The following NR3C2 variants were observed in gnomAD, a reference collection of about 807,000 sequenced individuals.
NR3C2 encodes mineralocorticoid receptor.
Under a neutral mutation model 86.4 loss-of-function variants are expected in NR3C2, and 15 were observed. The observed-to-expected ratio is 0.17, with a 90% CI of 0.12 to 0.27. The LOEUF is 0.27. NR3C2 is among the 10% of genes least tolerant of loss of function. NR3C2 has a pLI of 1.00. For missense variants in NR3C2, 960 were observed against 1,195.6 expected, an observed-to-expected ratio of 0.80 and a Z score of 2.91; for synonymous variants, 458 against 450.5, an observed-to-expected ratio of 1.02 and a Z score of -0.21.
chr4:148,082,890 G>A (rs1406529365), intron 8 of NR3C2, among the ~76,000 whole-genome samples: 3 of 152,044 alleles, frequency 2.0e-5, no homozygotes, highest in Non-Finnish European at 4.4e-5. Context: ...GGGGGAAGGG[G>A]GGAGGAGCAT....
chr4:148,245,333 T>C (rs1361770930), intron 3 of NR3C2, among the ~76,000 whole-genome samples: 1 of 152,184 alleles, frequency 6.6e-6, no homozygotes, highest in East Asian at 1.9e-4. Context: ...CTGGGTATCT[T>C]GCCCAAAGTC....
chr4:148,293,390 G>T (rs1367740948), intron 2 of NR3C2, among the ~76,000 whole-genome samples: 1 of 152,136 alleles, frequency 6.6e-6, no homozygotes, highest in Non-Finnish European at 1.5e-5. Context: ...ATTGTTCTGT[G>T]AACGTTTTAA....
At chr4:148,338,839 T>C (rs895616477) in intron 2 of NR3C2, among the ~76,000 whole-genome samples, 1 of 152,126 alleles carries the variant, frequency 6.6e-6, no homozygotes, top group African/African-American at 2.4e-5. Context: ...AATAAAAGCA[T>C]AGGGGCCAAA....
At chr4:148,412,035 T>C (rs1348684553) in intron 2 of NR3C2, among the ~76,000 whole-genome samples, 3 of 152,304 alleles carry the variant, frequency 2.0e-5, no homozygotes, top group East Asian at 1.9e-4. Context: ...CATTTACTAA[T>C]TGTGTCATCC....
chr4:148,229,827 G>A (rs1416284415), intron 3 of NR3C2, among the ~76,000 whole-genome samples: 5 of 152,168 alleles, frequency 3.3e-5, no homozygotes, highest in Admixed American at 3.3e-4. Flanking sequence ...GGACATTATT[G>A]TAGCCTATGT....
chr4:148,357,929 A>C (rs1745629750), intron 2 of NR3C2, among the ~76,000 whole-genome samples: 1 of 152,176 alleles, frequency 6.6e-6, no homozygotes, highest in Non-Finnish European at 1.5e-5. Context: ...AAAAAATACA[A>C]ATATCTTTAA....
chr4:148,142,744 G>A (rs185337774), intron 6 of NR3C2, among the ~76,000 whole-genome samples: 4 of 152,252 alleles, frequency 2.6e-5, no homozygotes, highest in South Asian at 2.1e-4. Flanking sequence ...CAAGCAATCC[G>A]CCTGCATGGC....
intron 8 of NR3C2, among the ~76,000 whole-genome samples, chr4:148,097,618 C>G (rs1314406755): frequency 1.3e-5 from 2 of 152,152 alleles, no homozygotes; most frequent in Non-Finnish European, 2.9e-5. Flanking sequence ...GTTTAAGGAT[C>G]GCTTAAGACA....
At chr4:148,196,127 G>A (rs1736431578) in intron 3 of NR3C2, among the ~76,000 whole-genome samples, 1 of 152,204 alleles carries the variant, frequency 6.6e-6, no homozygotes, top group Admixed American at 6.5e-5. Flanking sequence ...TGGCAGTGGT[G>A]AGATTCTAGA....
At chr4:148,345,262 C>G (rs1579186035) in intron 2 of NR3C2, among the ~76,000 whole-genome samples, 1 of 151,504 alleles carries the variant, frequency 6.6e-6, no homozygotes, top group East Asian at 1.9e-4. Context: ...TTTTTAATTT[C>G]AGAGAGAGAC....
chr4:148,230,986 T>C (rs1316502760), intron 3 of NR3C2, among the ~76,000 whole-genome samples: 1 of 152,220 alleles, frequency 6.6e-6, no homozygotes, highest in African/African-American at 2.4e-5. Context: ...AAGATGTGTG[T>C]GGTGGTCACA....
chr4:148,220,951 T>C (rs1020876950), intron 3 of NR3C2, among the ~76,000 whole-genome samples: 4 of 150,242 alleles, frequency 2.7e-5, no homozygotes, highest in Non-Finnish European at 4.4e-5. Context: ...CCAACATTTC[T>C]GAAGGCTTTG....
At chr4:148,292,888 A>G (rs1159356699) in intron 2 of NR3C2, among the ~76,000 whole-genome samples, 1 of 152,130 alleles carries the variant, frequency 6.6e-6, no homozygotes, top group Admixed American at 6.6e-5. Flanking sequence ...CCTATTCTGT[A>G]TACCCTGTTA....
intron 4 of NR3C2, among the ~76,000 whole-genome samples, chr4:148,166,211 T>G (rs1418616460): frequency 6.6e-6 from 1 of 152,216 alleles, no homozygotes; most frequent in East Asian, 1.9e-4. Context: ...AAAATCGCCT[T>G]TTTTGAATAA....
At chr4:148,117,995 C>T (rs1423211326) in intron 7 of NR3C2, among the ~76,000 whole-genome samples, 1 of 152,192 alleles carries the variant, frequency 6.6e-6, no homozygotes, top group African/African-American at 2.4e-5. Context: ...TCTCAGTTTC[C>T]TCAGTGGCCA....
intron 2 of NR3C2, among the ~76,000 whole-genome samples, chr4:148,407,670 C>G (rs1392444395): frequency 1.5e-5 from 1 of 68,746 alleles, no homozygotes; most frequent in South Asian, 7.7e-4. Flanking sequence ...ATGTAAATCA[C>G]TCAAATCTAT....
intron 2 of NR3C2, among the ~76,000 whole-genome samples, chr4:148,282,834 G>A (rs1055148131): frequency 2.6e-5 from 4 of 152,202 alleles, no homozygotes; most frequent in Non-Finnish European, 5.9e-5. Context: ...AGGGATATAA[G>A]AGAGGGACAT....
chr4:148,270,901 C>A (rs1334458517), intron 2 of NR3C2, among the ~76,000 whole-genome samples: 1 of 152,162 alleles, frequency 6.6e-6, no homozygotes, highest in African/African-American at 2.4e-5. Flanking sequence ...TACCTGTTTT[C>A]AAATCCTGAT....
rs548954265 is a variant in NR3C2, at chr4:148,080,988, T to C, written c.*356A>G. ...AACGTTCGTTAGTCCTTGAACCCTT[T>C]TAAAACAAGCGAACGATACCAGAAA... On this transcript the variant is annotated 3_prime_UTR_variant, in exon 9 of 9. Transcript: ENST00000358102. 44 of 353,686 alleles carry C rather than the reference T, an allele frequency of 1.2e-4. No homozygotes were observed. Among genetic ancestry groups the C allele is most frequent in the Non-Finnish European group, 2.2e-4 (40 of 181,160 alleles). The allele number at this position is 353,686 out of a possible 1,614,324, so 21.9% of individuals were successfully genotyped here.
Sources: gnomAD v4.1 joint callset for allele counts (sites outside exome capture counted in the v4.1 genomes callset) on GRCh38, gnomAD v4.1.1 for gene constraint, MANE v1.5 for transcripts, NCBI Gene and HGNC (gene_info 2026-07-23, HGNC 2026-07-21) for gene names.